VWF: variants seen among roughly 807,000 people sequenced by gnomAD.
VWF encodes Factor VIII related antigen.
A neutral mutation model predicts 308.6 loss-of-function variants in VWF; 176 were observed. The observed-to-expected ratio is 0.57, with a 90% CI of 0.50 to 0.65. The LOEUF (loss-of-function observed/expected upper bound fraction) is 0.65, where lower values mean the gene tolerates loss of function less well. Ranked by LOEUF, VWF falls within the 30% of genes least tolerant of loss-of-function variation. VWF has a pLI of 0.00. For synonymous variants in VWF, 1,385 were observed against 1,443.4 expected, an observed-to-expected ratio of 0.96 and a Z score of 0.92; for missense variants, 3,146 against 3,648.2, an observed-to-expected ratio of 0.86 and a Z score of 3.55.
chr12:5,949,973 A>T (rs1463726600), intron 50 of VWF, 90 bp from the exon 51 acceptor site: 3 of 1,198,748 alleles, frequency 2.5e-6, no homozygotes, highest in Non-Finnish European at 2.4e-6. Flanking sequence ...GGCTGGAAAT[A>T]GGTCCCTTTC....
rs1250915385 is a variant in VWF at position 6,092,620 on chromosome 12, T to TGA, written c.657+2839_657+2840insTC. Among the ~76,000 whole-genome samples, 171 of 89,674 alleles carry TGA rather than the reference T, an allele frequency of 1.9e-3. 5 individuals carry two copies. Among genetic ancestry groups the TGA allele is most frequent in the African/African-American group, 9.1e-3 (153 of 16,776 alleles). 58.8% of individuals were successfully genotyped at this position (89,674 alleles called of 152,430 possible). On this transcript the variant is annotated intron_variant, in intron 6 of 51. Coordinates refer to ENST00000261405, the MANE Select transcript of VWF (RefSeq NM_000552.5). ...CAGCTAGTTAGTGAGTGAGTGAGAG[T>TGA]GTGTGTGTGTGTGTGTGTGTGTGTG...
chr12:5,973,036 C>T (rs1253525390), intron 43 of VWF, among the ~76,000 whole-genome samples: 1 of 152,146 alleles, frequency 6.6e-6, no homozygotes, highest in African/African-American at 2.4e-5. Flanking sequence ...GTCAATATTA[C>T]GGATGGCTCC....
intron 42 of VWF, among the ~76,000 whole-genome samples, chr12:5,980,236 G>A (rs1943589978): frequency 1.4e-5 from 1 of 71,700 alleles, no homozygotes; most frequent in African/African-American, 5.0e-5. Flanking sequence ...GGGAGGGAGG[G>A]AGGGAAGGAA....
At chr12:6,002,116 G>C (rs1943878485) in intron 34 of VWF, among the ~76,000 whole-genome samples, 1 of 151,788 alleles carries the variant, frequency 6.6e-6, no homozygotes, top group African/African-American at 2.4e-5. Context: ...AAACATTTCT[G>C]TCAATAAAAA....
chr12:6,048,742 C>T (rs987083257), intron 16 of VWF, among the ~76,000 whole-genome samples: 4 of 152,206 alleles, frequency 2.6e-5, no homozygotes, highest in Non-Finnish European at 5.9e-5. Flanking sequence ...GGATTACAGG[C>T]GTGAGCCACC....
At chr12:5,957,682 T>G (rs185923539) in intron 47 of VWF, among the ~76,000 whole-genome samples, 196 of 146,382 alleles carry the variant, frequency 1.3e-3, no homozygotes, top group Non-Finnish European at 2.2e-3. Flanking sequence ...GAAGGCAGAA[T>G]AGAGACATTT....
intron 6 of VWF, among the ~76,000 whole-genome samples, chr12:6,092,644 T>TGC: frequency 9.0e-6 from 1 of 110,636 alleles, no homozygotes; most frequent in Non-Finnish European, 1.7e-5. Context: ...TGTGTGTGTG[T>TGC]GTGTGTGTGT....
At chr12:6,026,091 A>G (rs752972654) in intron 22 of VWF, 45 bp from the exon 23 acceptor site, 6 of 1,613,460 alleles carry the variant, frequency 3.7e-6, no homozygotes, top group Non-Finnish European at 5.1e-6. Context: ...GCCCAGGAGC[A>G]TGCTCTCCGG....
rs755941786 is a variant in VWF, at chr12:6,095,474, C to G, written c.643G>C (p.Gly215Arg). 1.2e-6 allele frequency: 2 copies of G among 1,614,126 alleles called. No individual in the cohort carries two copies. Among genetic ancestry groups the G allele is most frequent in the Non-Finnish European group, 1.7e-6 (2 of 1,180,000 alleles). Residue 215 changes from glycine (G) to arginine (R), a missense_variant, in exon 6 of 52, where the codon GGG becomes CGG. By Grantham distance (125) the Gly-to-Arg change is moderately radical (BLOSUM62 -2). Coordinates refer to ENST00000261405, the MANE Select transcript of VWF (RefSeq NM_000552.5). ...TCCACACCCACCTTCTGCATTTCCC[C>G]AGAGGAGATGTTGCATGAGCTGCTG... is the stretch of plus-strand genomic sequence containing the variant. Reference protein sequence around the residue: ...PPSSSCNISSGEMQKGLWEQC... With the variant: ...PPSSSCNISSREMQKGLWEQC...
chr12:6,114,740 G>A (rs1945345351), intron 3 of VWF, among the ~76,000 whole-genome samples: 1 of 152,300 alleles, frequency 6.6e-6, no homozygotes, highest in African/African-American at 2.4e-5. Context: ...GCAGCCCAGG[G>A]CTGAGCCTGT....
intron 2 of VWF, among the ~76,000 whole-genome samples, chr12:6,121,696 C>G (rs148473660): frequency 6.6e-6 from 1 of 152,130 alleles, no homozygotes; most frequent in Non-Finnish European, 1.5e-5. Flanking sequence ...TTTGGGAGGC[C>G]GAGGTGGGCA....
Position 6,063,090 on chromosome 12 carries a change from G to A in VWF, c.1433-36C>T. 2 of 1,575,782 alleles carry A rather than the reference G, an allele frequency of 1.3e-6. No homozygotes were observed. The highest frequency in any genetic ancestry group is 2.2e-5 in the South Asian group (2 of 89,892). On this transcript the variant is annotated intron_variant, in intron 12 of 51. Transcript: ENST00000261405. This position sits in a 1 kb window ranked among gnomAD's most constrained non-coding sequence, Gnocchi z 4.9. ...GCAGGACAGGACTCAGGCAGAGGTG[G>A]GGAGAGGACAGGGTGGTGGCAGGCA...
At chr12:6,118,359 A>T (rs986870484) in intron 3 of VWF, among the ~76,000 whole-genome samples, 11 of 149,454 alleles carry the variant, frequency 7.4e-5, no homozygotes, top group Non-Finnish European at 1.6e-4. Flanking sequence ...GTCTCCATCA[A>T]AATCTTCCTC....
At chr12:6,051,487 G>A (rs1029500342) in intron 16 of VWF, among the ~76,000 whole-genome samples, 1 of 152,000 alleles carries the variant, frequency 6.6e-6, no homozygotes, top group African/African-American at 2.4e-5. Flanking sequence ...TGTTAGCCAG[G>A]ATGGTCTCGA....
At position 6,018,549 on chromosome 12, in the gene VWF, G is replaced by A; in HGVS notation, c.4869C>T (p.Ile1623=). The change falls in exon 28 of 52, where the codon ATC becomes ATT. Residue 1623 remains isoleucine, a synonymous_variant. Coordinates refer to ENST00000261405, the MANE Select transcript of VWF (RefSeq NM_000552.5). ...SDEIKRLPGD[I]QVVPIGVGPN... ...GGCCCACTCCAATGGGCACCACCTG[G>A]ATGTCTCCAGGCAGCCTCTTGATCT... 7 of 1,613,958 alleles carry A rather than the reference G, an allele frequency of 4.3e-6. No individual in the cohort carries two copies. The highest frequency in any genetic ancestry group is 5.9e-6 in the Non-Finnish European group (7 of 1,179,900).
chr12:6,066,115 C>T (rs1314255342), intron 10 of VWF, among the ~76,000 whole-genome samples: 1 of 152,206 alleles, frequency 6.6e-6, no homozygotes, highest in Non-Finnish European at 1.5e-5. Flanking sequence ...AGCTTGTCCC[C>T]ACCCTAATTC....
At position 5,976,237 on chromosome 12, in the gene VWF, G is replaced by A; in HGVS notation, c.7311C>T (p.Ile2437=). ...CCTCCCAGAACTGGCCCACAGGGTAGATGGTGCTTCGGTGGACACACACCT... is the reference window on the plus strand; with the variant it reads ...CCTCCCAGAACTGGCCCACAGGGTAAATGGTGCTTCGGTGGACACACACCT... ...PDKVCVHRST[I]YPVGQFWEEG... is the part of the protein sequence containing the mutation. The change falls in exon 43 of 52, where the codon ATC becomes ATT. Residue 2437 remains isoleucine (I), a synonymous_variant. Coordinates refer to ENST00000261405, the MANE Select transcript of VWF (RefSeq NM_000552.5). 6.2e-7 allele frequency: 1 copy of A among 1,614,170 alleles called. No individual in the cohort carries two copies. The highest frequency in any genetic ancestry group is 8.5e-7 in the Non-Finnish European group (1 of 1,180,032).
At chr12:6,088,245 G>A (rs150253999) in intron 6 of VWF, among the ~76,000 whole-genome samples, 13 of 151,936 alleles carry the variant, frequency 8.6e-5, no homozygotes, top group East Asian at 1.9e-4. Context: ...TTCGGAGGCC[G>A]AGGCGGGCAG....
At chr12:5,970,512 C>A (rs1943460510) in intron 44 of VWF, among the ~76,000 whole-genome samples, 1 of 152,106 alleles carries the variant, frequency 6.6e-6, no homozygotes, top group Admixed American at 6.5e-5. Flanking sequence ...TGGACCTTGA[C>A]CCTGGGGAGA....
Sources: gnomAD v4.1 joint callset for allele counts (sites outside exome capture counted in the v4.1 genomes callset) on GRCh38, gnomAD v4.1.1 for gene constraint, Gnocchi (gnomAD v3.1) non-coding constraint, MANE v1.5 for transcripts, NCBI Gene and HGNC (gene_info 2026-07-23, HGNC 2026-07-21) for gene names.